The following TMEM178B variants were observed in gnomAD, a reference collection of about 807,000 sequenced individuals.
TMEM178B encodes transmembrane protein 178B.
Under a neutral mutation model 31.0 loss-of-function variants are expected in TMEM178B, and 5 were observed. The observed-to-expected ratio is 0.16, with a 90% CI of 0.08 to 0.34. The LOEUF (loss-of-function observed/expected upper bound fraction) is 0.34. TMEM178B is among the 10% of genes least tolerant of loss of function. TMEM178B has a pLI of 1.00. For missense variants in TMEM178B, 275 were observed against 400.3 expected (o/e 0.69, Z 2.67); for synonymous variants, 164 against 164.0 (o/e 1.00, Z 0.00).
chr7:141,468,326 C>T (rs1802181309), intron 3 of TMEM178B, among the ~76,000 whole-genome samples: 1 of 152,166 alleles, frequency 6.6e-6, no homozygotes, highest in Admixed American at 6.5e-5. Flanking sequence ...TTTGAGTCCT[C>T]CAAAACTACA....
At chr7:141,254,484 G>A (rs529005594) in intron 2 of TMEM178B, among the ~76,000 whole-genome samples, 5 of 152,180 alleles carry the variant, frequency 3.3e-5, no homozygotes, top group South Asian at 2.1e-4. Context: ...CTGGAAGGCC[G>A]AGGCGGGTGG....
intron 3 of TMEM178B, among the ~76,000 whole-genome samples, chr7:141,450,339 G>A (rs1343199089): frequency 3.9e-5 from 6 of 152,210 alleles, no homozygotes; most frequent in South Asian, 4.1e-4. Context: ...TACCTACTAC[G>A]TCCTGGGTGC....
chr7:141,412,135 C>G (rs1036091104), intron 2 of TMEM178B, among the ~76,000 whole-genome samples: 2 of 152,024 alleles, frequency 1.3e-5, no homozygotes, highest in Non-Finnish European at 2.9e-5. Context: ...AAGAAGTGAC[C>G]ACATAGGGCA....
At chr7:141,154,288 C>T (rs1239959832) in intron 1 of TMEM178B, among the ~76,000 whole-genome samples, 1 of 152,228 alleles carries the variant, frequency 6.6e-6, no homozygotes, top group African/African-American at 2.4e-5. Context: ...AGAGATCAGA[C>T]AGTAAAATTG....
chr7:141,172,909 G>T (rs535660982), intron 1 of TMEM178B: 43 of 152,304 alleles, frequency 2.8e-4, no homozygotes, highest in African/African-American at 9.6e-4. Context: ...ATTGTGGTGT[G>T]TGTGACTATG....
At chr7:141,076,412 GA>G (rs1794600923) in intron 1 of TMEM178B, among the ~76,000 whole-genome samples, 1 of 152,210 alleles carries the variant, frequency 6.6e-6, no homozygotes, top group Non-Finnish European at 1.5e-5. Flanking sequence ...AGAATTTGTT[GA>G]AGGATATTCT....
chr7:141,484,808 C>T (rs1185880398), downstream of TMEM178B, among the ~76,000 whole-genome samples: 12 of 151,996 alleles, frequency 7.9e-5, no homozygotes, highest in Non-Finnish European at 1.6e-4. The surrounding 1 kb of genome is among the most constrained non-coding windows in gnomAD (Gnocchi z 4.8). Flanking sequence ...GTGATCCGCC[C>T]GCCTCGGCCT....
At chr7:141,488,433 CT>C in the TMEM178B span, among the ~76,000 whole-genome samples, 18 of 149,758 alleles carry the variant, frequency 1.2e-4, no homozygotes, top group Middle Eastern at 3.5e-3. Context: ...TATGCATTTT[CT>C]TTTTTTTTTC....
chr7:141,268,934 G>A (rs1009068349), intron 2 of TMEM178B, among the ~76,000 whole-genome samples: 16 of 152,110 alleles, frequency 1.1e-4, no homozygotes, highest in South Asian at 4.1e-4. Context: ...AGAAAATGCC[G>A]TGGTGGAGAG....
At chr7:141,465,956 G>C (rs1430086233) in intron 3 of TMEM178B, among the ~76,000 whole-genome samples, 1 of 152,220 alleles carries the variant, frequency 6.6e-6, no homozygotes, top group East Asian at 1.9e-4. Context: ...CCTGGAGGCA[G>C]AGGTTGCAGT....
chr7:141,402,791 G>T (rs963449478), intron 2 of TMEM178B, among the ~76,000 whole-genome samples: 8 of 152,258 alleles, frequency 5.3e-5, no homozygotes, highest in African/African-American at 1.7e-4. Flanking sequence ...GGCTGCCTGC[G>T]CACTGGAGGC....
chr7:141,096,432 C>T (rs527314378), intron 1 of TMEM178B, among the ~76,000 whole-genome samples: 10 of 152,230 alleles, frequency 6.6e-5, no homozygotes, highest in Admixed American at 2.0e-4. Context: ...TTCTGGGTGA[C>T]GTTAGAAGGC....
chr7:141,327,404 C>T (rs1799211906), intron 2 of TMEM178B, among the ~76,000 whole-genome samples: 1 of 152,154 alleles, frequency 6.6e-6, no homozygotes, highest in African/African-American at 2.4e-5. Context: ...CCCACACATG[C>T]GCAACCTCCC....
chr7:141,467,214 AC>A (rs1293417710), intron 3 of TMEM178B, among the ~76,000 whole-genome samples: 5 of 152,066 alleles, frequency 3.3e-5, no homozygotes, highest in African/African-American at 1.2e-4. Flanking sequence ...GACCTAATCC[AC>A]CCTGGGGACC....
chr7:141,101,278 TG>T (rs1795052948), intron 1 of TMEM178B, among the ~76,000 whole-genome samples: 1 of 152,248 alleles, frequency 6.6e-6, no homozygotes, highest in Non-Finnish European at 1.5e-5. Flanking sequence ...AATTAATTTA[TG>T]AATGACAATA....
intron 1 of TMEM178B, among the ~76,000 whole-genome samples, chr7:141,190,875 C>CT (rs1784297339): frequency 6.6e-6 from 1 of 152,066 alleles, no homozygotes; most frequent in South Asian, 2.1e-4. Context: ...AAGCATATAC[C>CT]TATTCATCTA....
At chr7:141,336,225 T>C (rs936651782) in intron 2 of TMEM178B, among the ~76,000 whole-genome samples, 3 of 152,120 alleles carry the variant, frequency 2.0e-5, no homozygotes, top group Non-Finnish European at 4.4e-5. Context: ...CACTCTGTAC[T>C]TCCAGGCTTC....
At chr7:141,166,945 A>G (rs1219564634) in intron 1 of TMEM178B, among the ~76,000 whole-genome samples, 4 of 152,188 alleles carry the variant, frequency 2.6e-5, no homozygotes, top group Non-Finnish European at 5.9e-5. Flanking sequence ...GTGACTTGGA[A>G]CAGACGGTTT....
At chr7:141,110,159 G>C (rs1466146170) in intron 1 of TMEM178B, among the ~76,000 whole-genome samples, 1 of 152,110 alleles carries the variant, frequency 6.6e-6, no homozygotes, top group African/African-American at 2.4e-5. Flanking sequence ...TTTTAATTTG[G>C]TGTGTGGTAA....
Sources: gnomAD v4.1 joint callset for allele counts (sites outside exome capture counted in the v4.1 genomes callset) on GRCh38, gnomAD v4.1.1 for gene constraint, Gnocchi (gnomAD v3.1) non-coding constraint, MANE v1.5 for transcripts, NCBI Gene and HGNC (gene_info 2026-07-23, HGNC 2026-07-21) for gene names.